The following PSD3 variants were observed in gnomAD, a reference collection of about 807,000 sequenced individuals.
PSD3 encodes the protein pleckstrin and Sec7 domain containing 3.
In PSD3, 49 loss-of-function variants were observed where a neutral mutation model predicts 105.5. The observed-to-expected ratio is 0.46, with a 90% CI of 0.37 to 0.59. The LOEUF is 0.59. Ranked by LOEUF, PSD3 falls within the 20% of genes least tolerant of loss-of-function variation. The pLI is 0.00. For synonymous variants in PSD3, 557 were observed against 457.8 expected (o/e 1.22, Z -2.77); for missense variants, 1,561 against 1,263.8 (o/e 1.24, Z -3.57).
rs1801072109 is a variant in PSD3, at chr8:18,556,363, T to C, written c.2785-11A>G. ...CTTCAGTTGCTCCTCCTGCAGGAAA[T>C]CATGATGCCATTTAGCGTTCAAAAA... On this transcript the variant is annotated splice_polypyrimidine_tract_variant and intron_variant, in intron 14 of 15. Transcript: ENST00000327040. The C allele has an allele frequency of 6.2e-7, 1 of 1,607,090 alleles. No individual in the cohort carries two copies.
chr8:18,849,771 G>T (rs1815420133), intron 4 of PSD3: 1 of 152,194 alleles, frequency 6.6e-6, no homozygotes, highest in African/African-American at 2.4e-5. Context: ...CTTCCCTCAT[G>T]TCTAAGGTAA....
intron 10 of PSD3, among the ~76,000 whole-genome samples, chr8:18,650,586 C>G (rs1300801551): frequency 6.6e-6 from 1 of 152,168 alleles, no homozygotes; most frequent in African/African-American, 2.4e-5. Flanking sequence ...ACAGTCCTCC[C>G]TCTCCCCTAA....
At chr8:18,548,986 T>G (rs913951752) in intron 15 of PSD3, among the ~76,000 whole-genome samples, 3 of 152,100 alleles carry the variant, frequency 2.0e-5, no homozygotes, top group African/African-American at 7.2e-5. Context: ...CAGTTTAGCC[T>G]CTTAGGCAGC....
At chr8:18,944,158 G>A (rs1822720042) in intron 1 of PSD3, among the ~76,000 whole-genome samples, 1 of 152,144 alleles carries the variant, frequency 6.6e-6, no homozygotes, top group Admixed American at 6.5e-5. Context: ...GTTTCATGAG[G>A]CTGTTCTTCT....
chr8:19,073,269 G>A (rs1473909415), intron 1 of PSD3, among the ~76,000 whole-genome samples: 1 of 152,132 alleles, frequency 6.6e-6, no homozygotes, highest in African/African-American at 2.4e-5. Context: ...AGACAGGCCT[G>A]GCAGGGCACG....
intron 11 of PSD3, among the ~76,000 whole-genome samples, chr8:18,618,406 C>T (rs968181269): frequency 6.6e-6 from 1 of 151,490 alleles, no homozygotes; most frequent in African/African-American, 2.4e-5. Context: ...TCACTTGTAT[C>T]TGGCTCAGAA....
At chr8:18,829,962 C>CTTTAT (rs958570322) in intron 4 of PSD3, among the ~76,000 whole-genome samples, 12 of 152,146 alleles carry the variant, frequency 7.9e-5, no homozygotes, top group Admixed American at 2.6e-4. Flanking sequence ...ATCTTAATAA[C>CTTTAT]TTTATTTTAT....
chr8:19,072,993 G>C, intron 1 of PSD3, among the ~76,000 whole-genome samples: 1 of 152,138 alleles, frequency 6.6e-6, no homozygotes, highest in Admixed American at 6.5e-5. Context: ...TTTCTTGCTG[G>C]TCCAGTAGTA....
chr8:18,575,196 G>C lies in PSD3; in HGVS notation c.2571C>G (p.Asp857Glu), dbSNP rs770157339. 1.6e-5 allele frequency: 26 copies of C among 1,613,820 alleles called. No homozygotes were observed. In the Admixed American group the frequency reaches 3.0e-4, roughly 19 times the overall value. The change falls in exon 13 of 16, where the codon GAC (aspartate) becomes GAG (glutamate). Residue 857 changes from aspartate to glutamate, a missense_variant. Asp to Glu is a conservative substitution (Grantham distance 45, BLOSUM62 2). Coordinates refer to ENST00000327040, the MANE Select transcript of PSD3 (RefSeq NM_015310.4). ...TAAACACGTTTGGTTTCTTCTCATA[G>C]TCCGTGGCCTTGGATGCCAATGCGT... ...VHHALASKAT[D>E]YEKKPNVFKL...
rs188319643 is a variant in PSD3, at chr8:18,535,388, T to G, written c.*355A>C. On this transcript the variant is annotated 3_prime_UTR_variant, in exon 16 of 16. Transcript: ENST00000327040. ...AGTGTTTCACAATGGATTAAATTCT[T>G]TAACCTTAAAAAAAAGTTTAACAGT... 41 of 225,980 alleles carry G rather than the reference T, an allele frequency of 1.8e-4. No homozygotes were observed. Among genetic ancestry groups the G allele is most frequent in the Non-Finnish European group, 3.6e-4 (40 of 112,416 alleles). The allele number at this position is 225,980 out of a possible 1,614,324, so 14.0% of individuals were successfully genotyped here. A position where few individuals can be genotyped will look rare whatever the true frequency, so the allele number is the denominator to read the frequency against.
chr8:18,606,002 C>T (rs566543741), intron 11 of PSD3, among the ~76,000 whole-genome samples: 4 of 152,254 alleles, frequency 2.6e-5, no homozygotes, highest in African/African-American at 4.8e-5. Flanking sequence ...TATCCAGTCT[C>T]GGGTATTTCT....
chr8:18,688,737 T>C (rs572551348), intron 9 of PSD3, among the ~76,000 whole-genome samples: 6 of 152,330 alleles, frequency 3.9e-5, no homozygotes, highest in African/African-American at 1.4e-4. Flanking sequence ...CAATATGAAA[T>C]AATCACTTCA....
intron 8 of PSD3, among the ~76,000 whole-genome samples, chr8:18,779,935 G>A (rs947526982): frequency 1.3e-5 from 2 of 152,130 alleles, no homozygotes; most frequent in African/African-American, 2.4e-5. Flanking sequence ...TCTATCAAGC[G>A]CATTTGATCT....
chr8:18,644,498 C>G (rs1413081471), intron 10 of PSD3, among the ~76,000 whole-genome samples: 6 of 152,142 alleles, frequency 3.9e-5, no homozygotes, highest in Admixed American at 6.5e-5. Flanking sequence ...TTTCAAATAC[C>G]TTGTTCTTCA....
chr8:18,804,577 C>T lies in PSD3; in HGVS notation c.1855G>A (p.Glu619Lys). ...KNNEFSKLVA[E>K]EYLKFFDFTG... Reference sequence around the variant, plus strand: ...AAATCAAAAAACTTCAGATATTCTTCTGCAACTAGTTTGCTAAATTCGTTG... The same window carrying T: ...AAATCAAAAAACTTCAGATATTCTTTTGCAACTAGTTTGCTAAATTCGTTG... The change falls in exon 6 of 16, where the codon GAA becomes AAA. Residue 619 changes from glutamate to lysine, a missense_variant. Transcript: ENST00000327040. 1.2e-6 allele frequency: 2 copies of T among 1,613,598 alleles called. No homozygotes were observed. The highest frequency in any genetic ancestry group is 1.7e-6 in the Non-Finnish European group (2 of 1,179,524).
chr8:19,084,552 C>T, exon 1 of PSD3: 1 of 385,674 alleles, frequency 2.6e-6, no homozygotes, highest in Non-Finnish European at 5.3e-6. Context: ...GCTAGGAAGC[C>T]TCCATGCCAG....
chr8:18,546,447 A>C (rs1800456015), intron 15 of PSD3, among the ~76,000 whole-genome samples: 1 of 152,192 alleles, frequency 6.6e-6, no homozygotes, highest in Admixed American at 6.5e-5. Context: ...GCCATAAGTT[A>C]TGTGTGACTA....
At chr8:18,750,778 T>A (rs1805417247) in intron 9 of PSD3, among the ~76,000 whole-genome samples, 1 of 151,866 alleles carries the variant, frequency 6.6e-6, no homozygotes, top group South Asian at 2.1e-4. Flanking sequence ...GACACACAGG[T>A]TCTCCAAGGC....
At chr8:18,643,609 T>A (rs534669726) in intron 10 of PSD3, among the ~76,000 whole-genome samples, 1 of 152,122 alleles carries the variant, frequency 6.6e-6, no homozygotes, top group Non-Finnish European at 1.5e-5. Context: ...GAAAAAAGAA[T>A]GAACAAAACC....
Sources: gnomAD v4.1 joint callset for allele counts (sites outside exome capture counted in the v4.1 genomes callset) on GRCh38, gnomAD v4.1.1 for gene constraint, MANE v1.5 for transcripts, NCBI Gene and HGNC (gene_info 2026-07-23, HGNC 2026-07-21) for gene names.